The following STAMBP variants were observed in gnomAD, a reference collection of about 807,000 sequenced individuals.
The protein encoded by STAMBP is STAM-binding protein.
STAMBP carries 31 observed loss-of-function variants against 50.7 expected under a neutral mutation model. The ratio of observed to expected loss-of-function variants is 0.61; its 90% CI spans 0.46 to 0.83. The LOEUF (loss-of-function observed/expected upper bound fraction) is 0.83, where lower values mean the gene tolerates loss of function less well. Ranked by LOEUF, STAMBP falls within the 40% of genes least tolerant of loss-of-function variation. The pLI, the probability that STAMBP is intolerant of heterozygous loss-of-function variation, is 0.00. For synonymous variants in STAMBP, 211 were observed against 192.4 expected, an observed-to-expected ratio of 1.10 and a Z score of -0.80; for missense variants, 472 against 518.9, an observed-to-expected ratio of 0.91 and a Z score of 0.88.
downstream of STAMBP, among the ~76,000 whole-genome samples, chr2:73,871,594 A>G (rs1183156566): frequency 5.3e-5 from 8 of 152,050 alleles, no homozygotes; most frequent in East Asian, 1.9e-4. Context: ...AGAAAACTCA[A>G]TTAAAACTGG....
Position 73,843,439 on chromosome 2 carries a change from A to T in STAMBP, c.204-1374A>T, listed in dbSNP as rs573407734. Among the ~76,000 whole-genome samples the T allele has an allele frequency of 5.3e-4, 72 of 137,050 alleles. 2 individuals are homozygous for T. In the South Asian group the frequency reaches 8.3e-3, roughly 16 times the overall value. The allele number at this position is 137,050 out of a possible 152,430, so 89.9% of individuals were successfully genotyped here. A position where few individuals can be genotyped will look rare whatever the true frequency, so the allele number is the denominator to read the frequency against. On this transcript the variant is annotated intron_variant, in intron 2 of 9. Transcript: ENST00000394070. ...ATATATGTATATATATATATAAATT[A>T]AAAAATATAAATAGAGACAAGGTCT...
At chr2:73,872,155 A>G (rs372848104), downstream of STAMBP, among the ~76,000 whole-genome samples, 18 of 152,284 alleles carry the variant, frequency 1.2e-4, no homozygotes, top group African/African-American at 4.1e-4. Context: ...TCATGACTTC[A>G]TCCTTGAACC....
intron 2 of STAMBP, among the ~76,000 whole-genome samples, chr2:73,842,334 G>A (rs537372494): frequency 2.6e-5 from 4 of 152,172 alleles, no homozygotes; most frequent in Non-Finnish European, 5.9e-5. Flanking sequence ...CACCCCAAAG[G>A]TCTGCACATT....
At position 73,844,601 on chromosome 2, in the gene STAMBP, T is replaced by C. The variant is rs1675828832; in HGVS notation, c.204-212T>C. 1.1e-5 allele frequency: 4 copies of C among 361,346 alleles called. No homozygotes were observed. The East Asian group carries it at 1.7e-4, about 15-fold the overall frequency. The allele number at this position is 361,346 out of a possible 1,614,324, so 22.4% of individuals were successfully genotyped here. A position where few individuals can be genotyped will look rare whatever the true frequency, so the allele number is the denominator to read the frequency against. On this transcript the variant is annotated intron_variant, in intron 2 of 9. Transcript: ENST00000394070. ...TTCATTGTAGGAGTCTGGTGCTTGC[T>C]GCCTAGTTTGGGAGTAGAGGAAAAG...
chr2:73,859,403 G>C lies in STAMBP; in HGVS notation c.1118+37G>C, dbSNP rs113466284. 3 of 1,533,728 alleles carry C rather than the reference G, an allele frequency of 2.0e-6. No homozygotes were observed. The South Asian group carries it at 3.4e-5, about 17-fold the overall frequency. On this transcript the variant is annotated intron_variant, in intron 8 of 9. Transcript: ENST00000394070. ...GGGCATGGTTCTGGGTGTTTCAAGG[G>C]GGTAGTAGGGAAGAAAGCCTCAGGG...
At chr2:73,859,721 A>AAAAT (rs1678077853) in intron 8 of STAMBP, among the ~76,000 whole-genome samples, 1 of 151,046 alleles carries the variant, frequency 6.6e-6, no homozygotes, top group Non-Finnish European at 1.5e-5. Flanking sequence ...ATATAATAAA[A>AAAAT]AAATAAAAAT....
downstream of STAMBP, among the ~76,000 whole-genome samples, chr2:73,868,551 AAATC>A (rs1224663634): frequency 2.0e-5 from 3 of 152,218 alleles, no homozygotes; most frequent in Non-Finnish European, 4.4e-5. Context: ...TTTAAGATGA[AAATC>A]AACATTTATT....
At chr2:73,873,615 T>TCCC (rs1412066295) in exon 11 of STAMBP, 5 of 152,176 alleles carry the variant, frequency 3.3e-5, no homozygotes, top group African/African-American at 1.2e-4. Flanking sequence ...CACAAACCAT[T>TCCC]CCCTGTCCAA....
chr2:73,829,591 T>G (rs1260576122), intron 1 of STAMBP, 81 bp downstream of exon 1: 1 of 151,832 alleles, frequency 6.6e-6, no homozygotes, highest in Non-Finnish European at 1.5e-5. Flanking sequence ...CTTGGGGAGG[T>G]TTTAGATATG....
chr2:73,866,247 A>G lies in STAMBP; in HGVS notation c.*3988A>G, dbSNP rs1678877151. On this transcript the variant is annotated 3_prime_UTR_variant, in exon 10 of 10. Transcript: ENST00000394070. ...AGAATCCAGCACTGTGACGCTACAT[A>G]ACCATGGGCTCTGTCCTTCCAGTTC... The G allele has an allele frequency of 6.6e-6, 1 of 152,216 alleles. No homozygotes were observed. The allele number at this position is 152,216 out of a possible 1,614,324, so 9.4% of individuals were successfully genotyped here. A position where few individuals can be genotyped will look rare whatever the true frequency, so the allele number is the denominator to read the frequency against.
chr2:73,867,132 A>G lies in STAMBP; in HGVS notation c.*4873A>G, dbSNP rs1678977727. On this transcript the variant is annotated 3_prime_UTR_variant, in exon 10 of 10. Transcript: ENST00000394070. ...GTCCCCTGACATGGAATAAGATATG[A>G]ATAAATGCACAGACTTGTCCAAAAT... The G allele has an allele frequency of 6.6e-6, 1 of 152,270 alleles. No homozygotes were observed. The highest frequency in any genetic ancestry group is 1.5e-5 in the Non-Finnish European group (1 of 68,050). The allele number at this position is 152,270 out of a possible 1,614,324, so 9.4% of individuals were successfully genotyped here.
intron 2 of STAMBP, among the ~76,000 whole-genome samples, chr2:73,841,589 A>G (rs938574145): frequency 2.6e-5 from 4 of 152,180 alleles, no homozygotes; most frequent in African/African-American, 9.7e-5. Flanking sequence ...TCACCTTTTT[A>G]AAAGTTCATT....
chr2:73,842,974 A>G (rs1191365258), intron 2 of STAMBP, among the ~76,000 whole-genome samples: 2 of 152,292 alleles, frequency 1.3e-5, no homozygotes, highest in Non-Finnish European at 1.5e-5. Flanking sequence ...TCAGGCCTCA[A>G]TACAAAGCAC....
chr2:73,872,338 T>C (rs373649198), intron 10 of STAMBP, among the ~76,000 whole-genome samples: 53 of 152,310 alleles, frequency 3.5e-4, no homozygotes, highest in African/African-American at 1.3e-3. Flanking sequence ...CCACCATGCA[T>C]GCCTAGAAGA....
chr2:73,853,506 G>A (rs1051014697), intron 7 of STAMBP, among the ~76,000 whole-genome samples: 16 of 152,154 alleles, frequency 1.1e-4, no homozygotes, highest in East Asian at 3.9e-4. Flanking sequence ...GGCAGATCAC[G>A]AGGTCAGGAG....
chr2:73,857,066 T>G (rs1677639886), intron 7 of STAMBP, among the ~76,000 whole-genome samples: 1 of 152,252 alleles, frequency 6.6e-6, no homozygotes, highest in African/African-American at 2.4e-5. Flanking sequence ...CAGCATTGAA[T>G]TCTTCTGCCT....
rs1678648833 is a variant in STAMBP at position 73,864,170 on chromosome 2, C to T, written c.*1911C>T. 6.6e-6 allele frequency: 1 copy of T among 152,212 alleles called. No homozygotes were observed. Among genetic ancestry groups the T allele is most frequent in the African/African-American group, 2.4e-5 (1 of 41,452 alleles). The allele number at this position is 152,212 out of a possible 1,614,324, so 9.4% of individuals were successfully genotyped here. ...TTCAAGCTGCTAGAATTCTCAAGTA[C>T]AACCAGGGTTGACAACCACTGCATT... is the stretch of plus-strand genomic sequence containing the variant. On this transcript the variant is annotated 3_prime_UTR_variant, in exon 10 of 10. Transcript: ENST00000394070.
chr2:73,837,148 G>A (rs1352313147), intron 2 of STAMBP, among the ~76,000 whole-genome samples: 2 of 152,042 alleles, frequency 1.3e-5, no homozygotes, highest in Non-Finnish European at 2.9e-5. Context: ...TTGTAATTTT[G>A]TCACCAGTAG....
chr2:73,855,014 C>A (rs138938055), intron 7 of STAMBP, among the ~76,000 whole-genome samples: 27 of 152,268 alleles, frequency 1.8e-4, no homozygotes, highest in African/African-American at 6.3e-4. Context: ...AAACGAAAAG[C>A]AGACCGAAAG....
Sources: allele counts gnomAD v4.1 joint callset (sites outside exome capture counted in the v4.1 genomes callset), GRCh38; gene constraint gnomAD v4.1.1; transcripts MANE v1.5; gene names NCBI Gene and HGNC (gene_info 2026-07-23, HGNC 2026-07-21).